USP28: variants seen among roughly 807,000 people sequenced by gnomAD.
The protein encoded by USP28 is ubiquitin carboxyl-terminal hydrolase 28.
USP28 carries 113 observed loss-of-function variants against 145.0 expected under a neutral mutation model. The ratio of observed to expected loss-of-function variants is 0.78; its 90% CI spans 0.67 to 0.91. The LOEUF is 0.91. Among genes scored for constraint, USP28 ranks in the 40% least tolerant of loss-of-function variants. USP28 has a pLI of 0.00. For missense variants in USP28, 1,201 were observed against 1,289.6 expected, an observed-to-expected ratio of 0.93 and a Z score of 1.05; for synonymous variants, 447 against 450.9, an observed-to-expected ratio of 0.99 and a Z score of 0.11.
chr11:113,850,725 C>T (rs1185316928), intron 3 of USP28, among the ~76,000 whole-genome samples: 2 of 152,182 alleles, frequency 1.3e-5, no homozygotes, highest in Non-Finnish European at 2.9e-5. Context: ...AGGCAGCAAC[C>T]AGTGCTTAAG....
exon 17 of USP28, chr11:113,809,250 T>C (rs763004032): frequency 6.2e-7 from 1 of 1,613,332 alleles, no homozygotes; most frequent in South Asian, 1.1e-5. Context: ...CAGTTGGGGC[T>C]GCCTCTGAGG....
At chr11:113,872,443 C>T (rs1451255447) in intron 1 of USP28, among the ~76,000 whole-genome samples, 7 of 150,760 alleles carry the variant, frequency 4.6e-5, no homozygotes, top group Admixed American at 2.6e-4. Context: ...GCAGAGATCG[C>T]GCCACTGCAC....
chr11:113,833,474 C>T (rs528702166), exon 7 of USP28: 178 of 1,614,174 alleles, frequency 1.1e-4, no homozygotes, highest in Non-Finnish European at 1.4e-4. Context: ...GGGCTGCAGA[C>T]GGGTCTACAA....
intron 21 of USP28, 50 bp downstream of exon 22, chr11:113,804,623 A>T (rs899471985): frequency 1.3e-6 from 2 of 1,540,632 alleles, no homozygotes; most frequent in Non-Finnish European, 1.8e-6. Flanking sequence ...GGTACCATTT[A>T]CCTCAGGAAT....
intron 18 of USP28, among the ~76,000 whole-genome samples, chr11:113,807,489 A>G (rs1213131460): frequency 6.6e-6 from 1 of 152,184 alleles, no homozygotes; most frequent in Non-Finnish European, 1.5e-5. Flanking sequence ...ACAACAAACA[A>G]CTTGGGGTTC....
chr11:113,858,245 C>G (rs1341803727), intron 1 of USP28, among the ~76,000 whole-genome samples: 1 of 152,174 alleles, frequency 6.6e-6, no homozygotes, highest in African/African-American at 2.4e-5. Context: ...CAACAATGTT[C>G]TACATGGAAA....
Position 113,833,915 on chromosome 11 carries a change from G to A in USP28, c.621+334C>T, listed in dbSNP as rs1044465386. The stretch of plus-strand genomic sequence containing the variant: ...AAAACAGAATAAAATAGACTAAGGC[G>A]GCTCAGGTCTCTGGCATCAGGGCAT... On this transcript the variant is annotated intron_variant, in intron 6 of 24. Transcript: ENST00000003302. Among the ~76,000 whole-genome samples, 14 of 152,286 alleles carry A rather than the reference G, an allele frequency of 9.2e-5. No homozygotes were observed. The South Asian group carries it at 1.9e-3, about 20-fold the overall frequency.
At position 113,804,635 on chromosome 11, in the gene USP28, A is replaced by T. The variant is rs377069687; in HGVS notation, c.2658+38T>A. 54 of 1,572,754 alleles carry T rather than the reference A, an allele frequency of 3.4e-5. No homozygotes were observed. In the African/African-American group the frequency reaches 5.9e-4, roughly 17 times the overall value. ...TCAGGTACCATTTACCTCAGGAATT[A>T]ATGTTTTTGCTCTATAGACTTAAAG... On this transcript the variant is annotated intron_variant, in intron 21 of 24. Transcript: ENST00000003302.
intron 3 of USP28, among the ~76,000 whole-genome samples, chr11:113,845,111 C>A (rs1411868078): frequency 9.2e-5 from 13 of 140,858 alleles, no homozygotes; most frequent in Admixed American, 8.6e-4. Context: ...CAGTGAGACC[C>A]TTCTCAAAAA....
At chr11:113,842,342 T>C (rs1945287951) in intron 3 of USP28, among the ~76,000 whole-genome samples, 1 of 152,022 alleles carries the variant, frequency 6.6e-6, no homozygotes, top group Non-Finnish European at 1.5e-5. Flanking sequence ...TCCCAGCACT[T>C]TGGGAGGCCG....
intron 1 of USP28, among the ~76,000 whole-genome samples, chr11:113,871,375 G>A (rs1257876205): frequency 6.6e-6 from 1 of 152,160 alleles, no homozygotes; most frequent in Non-Finnish European, 1.5e-5. Context: ...AGAAAGAGAA[G>A]AGAGACATCA....
At chr11:113,803,460 T>A (rs1939408080) in intron 22 of USP28, among the ~76,000 whole-genome samples, 179 bp from the exon 24 acceptor site, 1 of 152,178 alleles carries the variant, frequency 6.6e-6, no homozygotes. Context: ...AAAGCAAATA[T>A]GAAACTTCCC....
chr11:113,828,582 G>C (rs1943635870), intron 10 of USP28, among the ~76,000 whole-genome samples: 2 of 152,184 alleles, frequency 1.3e-5, no homozygotes, highest in African/African-American at 2.4e-5. Flanking sequence ...GTCTCAAAAT[G>C]TATGATCAAT....
chr11:113,819,592 G>A (rs1942298436), intron 12 of USP28, among the ~76,000 whole-genome samples: 1 of 152,066 alleles, frequency 6.6e-6, no homozygotes, highest in Non-Finnish European at 1.5e-5. Context: ...TATACAAGCA[G>A]ATATGTGTAA....
At chr11:113,871,475 T>C (rs182273761) in intron 1 of USP28, among the ~76,000 whole-genome samples, 2 of 152,344 alleles carry the variant, frequency 1.3e-5, no homozygotes, top group East Asian at 1.9e-4. Context: ...CACTGCAGGA[T>C]GTTTAGCAGC....
exon 14 of USP28, chr11:113,815,177 G>C: frequency 1.2e-6 from 2 of 1,613,728 alleles, no homozygotes; most frequent in Non-Finnish European, 1.7e-6. Context: ...AGCCAACCTT[G>C]TATATCTTGT....
intron 1 of USP28, among the ~76,000 whole-genome samples, chr11:113,872,763 T>C (rs892310280): frequency 7.2e-5 from 11 of 152,198 alleles, no homozygotes; most frequent in Admixed American, 5.9e-4. Context: ...TCAAGTTGTT[T>C]CTCCTGTAAT....
chr11:113,801,422 G>A (rs1016938173), intron 24 of USP28, 61 bp downstream of exon 25: 1 of 1,382,528 alleles, frequency 7.2e-7, no homozygotes, highest in Non-Finnish European at 9.8e-7. Flanking sequence ...GCTATCAAGT[G>A]AGAACACTGA....
intron 12 of USP28, chr11:113,821,168 G>A: frequency 4.4e-6 from 1 of 225,270 alleles, no homozygotes; most frequent in East Asian, 1.1e-4. Context: ...TTCAATATAT[G>A]CCATGAGCAA....
Sources: allele counts gnomAD v4.1 joint callset (sites outside exome capture counted in the v4.1 genomes callset), GRCh38; gene constraint gnomAD v4.1.1; transcripts MANE v1.5; gene names NCBI Gene and HGNC (gene_info 2026-07-23, HGNC 2026-07-21).